Variants in MAP3K19 observed in about 807,000 individuals in gnomAD.
The protein encoded by MAP3K19 is SPS1/STE20-related protein kinase YSK4.
Under a neutral mutation model 114.4 loss-of-function variants are expected in MAP3K19, and 91 were observed. The ratio of observed to expected loss-of-function variants is 0.80; its 90% confidence interval spans 0.67 to 0.95. MAP3K19 has a LOEUF of 0.95. MAP3K19 is among the 40% of genes least tolerant of loss of function. The pLI is 0.00. For missense variants in MAP3K19, 1,471 were observed against 1,573.2 expected (o/e 0.94, Z 1.10); for synonymous variants, 518 against 530.5 (o/e 0.98, Z 0.32).
chr2:134,989,170 AG>A (rs1308649977), intron 9 of MAP3K19, among the ~76,000 whole-genome samples: 2 of 152,150 alleles, frequency 1.3e-5, no homozygotes, highest in Non-Finnish European at 2.9e-5. Context: ...AAACTAAGCT[AG>A]TTTTTATTAT....
intron 11 of MAP3K19, chr2:134,983,385 T>A (rs1684847548): frequency 1.7e-6 from 1 of 603,888 alleles, no homozygotes; most frequent in Admixed American, 1.9e-5. Context: ...TATATGTGCC[T>A]GAGAAAAAGC....
chr2:134,974,465 T>G (rs1278019172), intron 12 of MAP3K19, among the ~76,000 whole-genome samples: 7 of 152,214 alleles, frequency 4.6e-5, no homozygotes, highest in Non-Finnish European at 8.8e-5. Flanking sequence ...TTGACTACAA[T>G]GTACCCTGGA....
At chr2:134,972,207 T>C (rs1220425523) in intron 12 of MAP3K19, among the ~76,000 whole-genome samples, 1 of 152,120 alleles carries the variant, frequency 6.6e-6, no homozygotes, top group Admixed American at 6.6e-5. Flanking sequence ...TCTATTTTTT[T>C]TTTAATCCAT....
At chr2:135,035,233 C>CA (rs2104792247) in intron 2 of MAP3K19, among the ~76,000 whole-genome samples, 1 of 152,132 alleles carries the variant, frequency 6.6e-6, no homozygotes, top group East Asian at 1.9e-4. Flanking sequence ...CCTGTCTCTA[C>CA]AAAAAATACA....
chr2:135,030,953 T>C (rs935901928), intron 2 of MAP3K19, among the ~76,000 whole-genome samples: 1 of 152,114 alleles, frequency 6.6e-6, no homozygotes, highest in Non-Finnish European at 1.5e-5. Context: ...AAAACAAAGA[T>C]GATTCAGGCT....
chr2:135,020,364 G>A (rs1399951248), intron 5 of MAP3K19, among the ~76,000 whole-genome samples: 1 of 152,184 alleles, frequency 6.6e-6, no homozygotes, highest in Non-Finnish European at 1.5e-5. Flanking sequence ...CTGTCACCCA[G>A]GCTAGAGTTC....
intron 2 of MAP3K19, among the ~76,000 whole-genome samples, chr2:135,037,715 C>A (rs528105885): frequency 3.3e-5 from 5 of 152,250 alleles, no homozygotes; most frequent in African/African-American, 7.2e-5. Flanking sequence ...CCTTCTGCAG[C>A]AAAGAGTAGC....
intron 12 of MAP3K19, among the ~76,000 whole-genome samples, chr2:134,976,493 C>T (rs1684244478): frequency 6.6e-6 from 1 of 152,158 alleles, no homozygotes; most frequent in Non-Finnish European, 1.5e-5. Context: ...TCAGGTGTTT[C>T]CTGTAACTTC....
intron 2 of MAP3K19, among the ~76,000 whole-genome samples, chr2:135,039,573 C>T (rs1688606454): frequency 6.6e-6 from 1 of 152,002 alleles, no homozygotes; most frequent in Non-Finnish European, 1.5e-5. Flanking sequence ...ACAGAGTGAC[C>T]CTGTCTCAAA....
intron 2 of MAP3K19, among the ~76,000 whole-genome samples, chr2:135,038,253 A>G (rs1688574087): frequency 6.6e-6 from 1 of 151,948 alleles, no homozygotes; most frequent in African/African-American, 2.4e-5. Flanking sequence ...AGGCAGATAA[A>G]TTGTGGCATA....
At chr2:134,974,003 G>T (rs528292413) in intron 12 of MAP3K19, among the ~76,000 whole-genome samples, 31 of 150,572 alleles carry the variant, frequency 2.1e-4, no homozygotes, top group South Asian at 1.9e-3. Flanking sequence ...TTTTTTTTTT[G>T]TTTGTTTGTT....
chr2:135,039,733 A>T (rs1275997412), intron 2 of MAP3K19, among the ~76,000 whole-genome samples: 1 of 152,098 alleles, frequency 6.6e-6, no homozygotes, highest in Middle Eastern at 3.4e-3. Context: ...CCTCTCCCCA[A>T]CTCTACATGC....
intron 6 of MAP3K19, among the ~76,000 whole-genome samples, chr2:135,004,940 A>C (rs1271400887): frequency 6.6e-6 from 1 of 152,182 alleles, no homozygotes; most frequent in Non-Finnish European, 1.5e-5. Flanking sequence ...TGGGGAAAGG[A>C]TGTTATCAGA....
chr2:135,025,856 C>T (rs1026684040), intron 3 of MAP3K19, among the ~76,000 whole-genome samples: 1 of 152,112 alleles, frequency 6.6e-6, no homozygotes, highest in African/African-American at 2.4e-5. Flanking sequence ...GATATCAGCT[C>T]AGAGAAATCC....
At chr2:135,040,245 T>C (rs1688620523) in intron 2 of MAP3K19, 118 bp downstream of exon 2, 1 of 152,628 alleles carries the variant, frequency 6.6e-6, no homozygotes, top group East Asian at 1.9e-4. Flanking sequence ...TACCCCACTT[T>C]GTGTCTTCAG....
intron 5 of MAP3K19, among the ~76,000 whole-genome samples, chr2:135,015,178 C>A (rs983669020): frequency 3.9e-5 from 6 of 152,220 alleles, no homozygotes; most frequent in African/African-American, 1.4e-4. Context: ...CATGAAAGTT[C>A]TTGTTGCCCT....
chr2:135,001,548 T>C (rs753732151), intron 6 of MAP3K19, among the ~76,000 whole-genome samples: 4 of 152,250 alleles, frequency 2.6e-5, no homozygotes, highest in African/African-American at 9.6e-5. Context: ...GAAAGGAAGA[T>C]GGATGTCTTT....
intron 8 of MAP3K19, among the ~76,000 whole-genome samples, chr2:134,997,412 A>G (rs1230585585): frequency 1.3e-5 from 2 of 152,226 alleles, no homozygotes; most frequent in Non-Finnish European, 2.9e-5. Flanking sequence ...CTGGGGATGA[A>G]TAGTTGTGAT....
At chr2:134,977,600 G>A (rs1386407545) in intron 12 of MAP3K19, among the ~76,000 whole-genome samples, 1 of 151,962 alleles carries the variant, frequency 6.6e-6, no homozygotes, top group South Asian at 2.1e-4. Flanking sequence ...CTGACCTCGT[G>A]ATCCGCCCGC....
Sources: allele counts gnomAD v4.1 joint callset (sites outside exome capture counted in the v4.1 genomes callset), GRCh38; gene constraint gnomAD v4.1.1; transcripts MANE v1.5; gene names NCBI Gene and HGNC (gene_info 2026-07-23, HGNC 2026-07-21).